Variants in ZC3H14 observed in about 807,000 individuals in gnomAD.
ZC3H14 encodes zinc finger CCCH-type containing 14, also known as zinc finger CCCH domain-containing protein 14.
A neutral mutation model predicts 92.4 loss-of-function variants in ZC3H14; 31 were observed. That is an observed-to-expected ratio of 0.34 (90% CI 0.25 to 0.45). ZC3H14 has a LOEUF of 0.45. Ranked by LOEUF, ZC3H14 falls within the 20% of genes least tolerant of loss-of-function variation. ZC3H14 has a pLI of 1.00. For missense variants in ZC3H14, 781 were observed against 897.3 expected, an observed-to-expected ratio of 0.87 and a Z score of 1.66; for synonymous variants, 321 against 300.9, an observed-to-expected ratio of 1.07 and a Z score of -0.69.
Position 88,575,759 on chromosome 14 carries a change from T to C in ZC3H14, c.1023-81T>C, listed in dbSNP as rs905701104. The C allele has an allele frequency of 1.2e-4, 136 of 1,145,216 alleles. 1 individual carries two copies. The highest frequency in any genetic ancestry group is 9.7e-4 in the Admixed American group (53 of 54,376). 70.9% of individuals were successfully genotyped at this position (1,145,216 alleles called of 1,614,324 possible). A position where few individuals can be genotyped will look rare whatever the true frequency, so the allele number is the denominator to read the frequency against. ...TCTGTTTAAAACCTAGAGAAGGTTGTGGTAAAGGCATAATAGATGGCTGGC... is the reference window on the plus strand; with the variant it reads ...TCTGTTTAAAACCTAGAGAAGGTTGCGGTAAAGGCATAATAGATGGCTGGC... On this transcript the variant is annotated intron_variant, in intron 7 of 16. Coordinates refer to ENST00000251038, the MANE Select transcript of ZC3H14 (RefSeq NM_024824.5).
At position 88,624,773 on chromosome 14, in the gene ZC3H14, G is replaced by GC. The variant is rs2089662129; in HGVS notation, c.*13022_*13023insC. On this transcript the variant is annotated 3_prime_UTR_variant, in exon 17 of 17. Transcript: ENST00000251038. ...CTCAGAAAAAGTATCACCCCAACAT[G>GC]AAAAAAATTGGAAGTGAATTAAGAC... 1 of 613,344 alleles carries GC rather than the reference G, an allele frequency of 1.6e-6. No homozygotes were observed. The highest frequency in any genetic ancestry group is 2.7e-6 in the Non-Finnish European group (1 of 370,388). 38.0% of individuals were successfully genotyped at this position (613,344 alleles called of 1,614,324 possible).
In ZC3H14 at chr14:88,609,752, C is replaced by T. The variant is rs2086235029; in HGVS notation, c.2046C>T (p.Cys682=). The T allele has an allele frequency of 6.2e-7, 1 of 1,614,184 alleles. No homozygotes were observed. Among genetic ancestry groups the T allele is most frequent in the Non-Finnish European group, 8.5e-7 (1 of 1,180,030 alleles). The change falls in exon 15 of 17, where the codon TGC becomes TGT. Residue 682 remains cysteine (C), a synonymous_variant. Transcript: ENST00000251038. ...PPAPPSSSQL[C]RYFPACKKME... is the part of the protein sequence containing the mutation. ...CACCACCTTCCAGTAGTCAGCTCTG[C>T]CGTTACTTCCCTGCTTGTAAGAAGA... is the stretch of plus-strand genomic sequence containing the variant.
chr14:88,589,259 G>A (rs1198649023), intron 9 of ZC3H14: 3 of 152,020 alleles, frequency 2.0e-5, no homozygotes, highest in Admixed American at 2.0e-4. Context: ...GAATTTCTTG[G>A]GGGAGCAGGT....
At chr14:88,563,291 C>T in intron 1 of ZC3H14, 122 bp downstream of exon 1, 1 of 1,530,432 alleles carries the variant, frequency 6.5e-7, no homozygotes, top group South Asian at 1.2e-5. Context: ...ACGCTCCTGG[C>T]GGGCTGCGGC....
intron 9 of ZC3H14, among the ~76,000 whole-genome samples, chr14:88,595,917 G>T (rs1454104200): frequency 1.3e-5 from 2 of 152,166 alleles, no homozygotes; most frequent in African/African-American, 4.8e-5. Context: ...CTTATAATGA[G>T]CAAGTGAGTG....
intron 2 of ZC3H14, among the ~76,000 whole-genome samples, chr14:88,565,715 C>T (rs2079479518): frequency 6.6e-6 from 1 of 152,086 alleles, no homozygotes; most frequent in Admixed American, 6.6e-5. Flanking sequence ...TGTAGTGTCA[C>T]AGAAGAATAT....
At chr14:88,584,664 C>T (rs1411484547) in intron 9 of ZC3H14, among the ~76,000 whole-genome samples, 1 of 152,172 alleles carries the variant, frequency 6.6e-6, no homozygotes, top group Non-Finnish European at 1.5e-5. Context: ...ATGCAACCAT[C>T]TCTGCGACAG....
chr14:88,620,908 T>C lies in ZC3H14; in HGVS notation c.*9157T>C. The C allele has an allele frequency of 6.6e-7, 1 of 1,513,954 alleles. No individual in the cohort carries two copies. 93.8% of individuals were successfully genotyped at this position (1,513,954 alleles called of 1,614,324 possible). On this transcript the variant is annotated 3_prime_UTR_variant, in exon 17 of 17. Coordinates refer to ENST00000251038, the MANE Select transcript of ZC3H14 (RefSeq NM_024824.5). The surrounding 1 kb of genome is among the most constrained non-coding windows in gnomAD (Gnocchi z 4.3). Reference sequence around the variant, plus strand: ...ACAGTACGAGCAGCATGTCCCAAATTCACTTTGTTTAACATCTTCTGCATT... The same window carrying C: ...ACAGTACGAGCAGCATGTCCCAAATCCACTTTGTTTAACATCTTCTGCATT...
intron 12 of ZC3H14, 130 bp from the exon 13 acceptor site, chr14:88,607,113 C>T (rs1451340491): frequency 5.7e-6 from 8 of 1,406,950 alleles, no homozygotes; most frequent in Non-Finnish European, 6.9e-6. Flanking sequence ...ATAATTTGAG[C>T]TCACTTATTT....
rs2089121267 is a variant in ZC3H14 at position 88,622,214 on chromosome 14, A to AT, written c.*10469dup. 1 of 174,156 alleles carries AT rather than the reference A, an allele frequency of 5.7e-6. No individual in the cohort carries two copies. The highest frequency in any genetic ancestry group is 2.4e-5 in the African/African-American group (1 of 42,262). 10.8% of individuals were successfully genotyped at this position (174,156 alleles called of 1,614,324 possible). On this transcript the variant is annotated 3_prime_UTR_variant, in exon 17 of 17. Coordinates refer to ENST00000251038, the MANE Select transcript of ZC3H14 (RefSeq NM_024824.5). ...CCACCAAGAATGACAGAATTTCATT[A>AT]TTTTTTATGGCTGAGTAGTATTTCA...
At chr14:88,611,621 TTATA>T (rs1300703233) in intron 16 of ZC3H14, 120 bp from the exon 17 acceptor site, 6 of 1,097,990 alleles carry the variant, frequency 5.5e-6, no homozygotes, top group Non-Finnish European at 8.0e-6. Flanking sequence ...AATCTGCCAT[TTATA>T]TTGTAATCTT....
Position 88,621,449 on chromosome 14 carries a change from A to G in ZC3H14, c.*9698A>G, listed in dbSNP as rs1055984377. On this transcript the variant is annotated 3_prime_UTR_variant, in exon 17 of 17. Transcript: ENST00000251038. Reference sequence around the variant, plus strand: ...GCAAGGCAGTCATTAGCTCATGCAAATTTTTCTATGACTACAGGCACACAT... The same window carrying G: ...GCAAGGCAGTCATTAGCTCATGCAAGTTTTTCTATGACTACAGGCACACAT... The G allele has an allele frequency of 4.1e-5, 33 of 805,458 alleles. No homozygotes were observed. In the Admixed American group the frequency reaches 4.7e-4, roughly 12 times the overall value. 49.9% of individuals were successfully genotyped at this position (805,458 alleles called of 1,614,324 possible). A position where few individuals can be genotyped will look rare whatever the true frequency, so the allele number is the denominator to read the frequency against.
rs2087282636 is a variant in ZC3H14 at position 88,614,396 on chromosome 14, A to ATCACTGGT, written c.*2647_*2654dup. The ATCACTGGT allele has an allele frequency of 6.6e-6, 1 of 152,160 alleles. No individual in the cohort carries two copies. The highest frequency in any genetic ancestry group is 1.5e-5 in the Non-Finnish European group (1 of 68,026). The allele number at this position is 152,160 out of a possible 1,614,324, so 9.4% of individuals were successfully genotyped here. ...TAGAGCTTTAAAACTACCAGGTTCA[A>ATCACTGGT]TCACTGGTTATGCTTTCTGTGATGT... On this transcript the variant is annotated 3_prime_UTR_variant, in exon 17 of 17. Transcript: ENST00000251038.
At chr14:88,569,954 A>T (rs2116446) in intron 3 of ZC3H14, among the ~76,000 whole-genome samples, 3 of 152,060 alleles carry the variant, frequency 2.0e-5, no homozygotes, top group Admixed American at 1.3e-4. Context: ...CCAGCCCCCC[A>T]CAAAAAAAGA....
chr14:88,616,287 G>A lies in ZC3H14; in HGVS notation c.*4536G>A. ...AAGCTCAGGGCATTTGGTGCACACA[G>A]AAGTCAAAGGCTCTTATTAGGAACT... is the stretch of plus-strand genomic sequence containing the variant. On this transcript the variant is annotated 3_prime_UTR_variant, in exon 17 of 17. Coordinates refer to ENST00000251038, the MANE Select transcript of ZC3H14 (RefSeq NM_024824.5). 1 of 1,559,206 alleles carries A rather than the reference G, an allele frequency of 6.4e-7. No homozygotes were observed. Among genetic ancestry groups the A allele is most frequent in the East Asian group, 2.2e-5 (1 of 44,594 alleles).
chr14:88,626,835 T>C lies in ZC3H14; in HGVS notation c.*15084T>C. 1 of 1,613,728 alleles carries C rather than the reference T, an allele frequency of 6.2e-7. No homozygotes were observed. Among genetic ancestry groups the C allele is most frequent in the Non-Finnish European group, 8.5e-7 (1 of 1,179,812 alleles). On this transcript the variant is annotated 3_prime_UTR_variant, in exon 17 of 17. Coordinates refer to ENST00000251038, the MANE Select transcript of ZC3H14 (RefSeq NM_024824.5). ...CACACTATGTGCATTTTAAGAGACA[T>C]ACTGCACCAAATGCAATAGCGAGCA...
chr14:88,608,883 C>T, intron 13 of ZC3H14: 1 of 210,332 alleles, frequency 4.8e-6, no homozygotes, highest in South Asian at 7.8e-5. Flanking sequence ...GGGAATAATA[C>T]AGCTGTACAT....
In ZC3H14 at chr14:88,626,947, T is replaced by C. The variant is rs1287193995; in HGVS notation, c.*15196T>C. 1 of 1,613,842 alleles carries C rather than the reference T, an allele frequency of 6.2e-7. No individual in the cohort carries two copies. Among genetic ancestry groups the C allele is most frequent in the Non-Finnish European group, 8.5e-7 (1 of 1,179,864 alleles). ...TCCTGCCAGGGTCCAGAACTTCACA[T>C]GTTTTACTCCCACTGAGACAAACTG... On this transcript the variant is annotated 3_prime_UTR_variant, in exon 17 of 17. Transcript: ENST00000251038.
Position 88,624,040 on chromosome 14 carries a change from G to GTAC in ZC3H14, c.*12291_*12293dup, listed in dbSNP as rs1273226447. On this transcript the variant is annotated 3_prime_UTR_variant, in exon 17 of 17. Transcript: ENST00000251038. ...GGTTCTTTCAATCCTGTATTGAAATGTACTTCTTAGTCAACTATATGTCAC... is the reference window on the plus strand; with the variant it reads ...GGTTCTTTCAATCCTGTATTGAAATGTACTACTTCTTAGTCAACTATATGTCAC... 2.0e-5 allele frequency: 3 copies of GTAC among 152,212 alleles called. No individual in the cohort carries two copies. The highest frequency in any genetic ancestry group is 2.0e-4 in the Admixed American group (3 of 15,300). 9.4% of individuals were successfully genotyped at this position (152,212 alleles called of 1,614,324 possible). A position where few individuals can be genotyped will look rare whatever the true frequency, so the allele number is the denominator to read the frequency against.
Sources: gnomAD v4.1 joint callset for allele counts (sites outside exome capture counted in the v4.1 genomes callset) on GRCh38, gnomAD v4.1.1 for gene constraint, Gnocchi (gnomAD v3.1) non-coding constraint, MANE v1.5 for transcripts, NCBI Gene and HGNC (gene_info 2026-07-23, HGNC 2026-07-21) for gene names.